The following ADCY2 variants were observed in gnomAD, a reference collection of about 807,000 sequenced individuals.
ADCY2 encodes adenylate cyclase type 2.
Under a neutral mutation model 125.2 loss-of-function variants are expected in ADCY2, and 31 were observed. The observed-to-expected ratio is 0.25, with a 90% CI of 0.19 to 0.33. The LOEUF is 0.33. Among genes scored for constraint, ADCY2 ranks in the 10% least tolerant of loss-of-function variants. The pLI is 1.00. For synonymous variants in ADCY2, 512 were observed against 548.4 expected (o/e 0.93, Z 0.93); for missense variants, 904 against 1,418.2 (o/e 0.64, Z 5.82).
chr5:7,490,193 T>C (rs947430981), intron 2 of ADCY2, among the ~76,000 whole-genome samples: 8 of 152,246 alleles, frequency 5.3e-5, no homozygotes, highest in Non-Finnish European at 1.2e-4. Context: ...TTTTTCTTAT[T>C]ACAACTAGTA....
intron 21 of ADCY2, among the ~76,000 whole-genome samples, chr5:7,803,355 T>C (rs1744658247): frequency 6.6e-6 from 1 of 152,202 alleles, no homozygotes; most frequent in South Asian, 2.1e-4. Context: ...TGGAGGAATC[T>C]CCTCTGAAAT....
chr5:7,399,075 C>T (rs1739166917), intron 1 of ADCY2, among the ~76,000 whole-genome samples: 1 of 152,190 alleles, frequency 6.6e-6, no homozygotes, highest in Non-Finnish European at 1.5e-5. Flanking sequence ...TGGGACCCTG[C>T]CAAGGTTTCC....
At chr5:7,557,182 T>TATATGTGATATATATA (rs56204377) in intron 3 of ADCY2, among the ~76,000 whole-genome samples, 10,899 of 144,886 alleles carry the variant, frequency 0.075, 627 homozygotes, top group Non-Finnish European at 0.12. Flanking sequence ...ATCACACATA[T>TATATGTGATATATATA]TATATATGTG....
intron 2 of ADCY2, among the ~76,000 whole-genome samples, chr5:7,442,832 G>A (rs942770826): frequency 6.6e-5 from 10 of 151,972 alleles, no homozygotes; most frequent in Non-Finnish European, 1.0e-4. Context: ...CCTATTACTC[G>A]GTGATTAATT....
chr5:7,682,029 TG>T (rs1740356200), intron 4 of ADCY2, among the ~76,000 whole-genome samples: 1 of 152,214 alleles, frequency 6.6e-6, no homozygotes, highest in Non-Finnish European at 1.5e-5. Flanking sequence ...TACTTTGGAT[TG>T]TTTAGCAAGC....
intron 4 of ADCY2, among the ~76,000 whole-genome samples, chr5:7,657,304 G>T (rs1051223939): frequency 2.0e-5 from 3 of 152,204 alleles, no homozygotes; most frequent in Non-Finnish European, 4.4e-5. Context: ...TTGAAAATCA[G>T]TGAAGCTCAT....
intron 20 of ADCY2, chr5:7,795,074 CTAT>C (rs1744379235): frequency 1.3e-5 from 2 of 152,150 alleles, no homozygotes; most frequent in African/African-American, 4.8e-5. Flanking sequence ...GCTAAACAAG[CTAT>C]TACTGGTCCC....
chr5:7,700,501 T>C (rs1259221872), intron 7 of ADCY2, among the ~76,000 whole-genome samples: 22 of 270 alleles, frequency 0.081, no homozygotes, highest in African/African-American at 0.096. Flanking sequence ...TATCCTCAAC[T>C]TTTTTTTTTT....
At chr5:7,482,739 T>A (rs547051684) in intron 2 of ADCY2, among the ~76,000 whole-genome samples, 10 of 146,178 alleles carry the variant, frequency 6.8e-5, no homozygotes, top group Non-Finnish European at 7.4e-5. Flanking sequence ...TAAGTGTCTA[T>A]CAGCTGATGA....
intron 3 of ADCY2, among the ~76,000 whole-genome samples, chr5:7,586,798 G>T (rs893648972): frequency 3.9e-5 from 6 of 152,112 alleles, no homozygotes; most frequent in Non-Finnish European, 5.9e-5. Context: ...ACAAAGGCAA[G>T]TGAAGTTCAT....
At chr5:7,513,018 A>G (rs185130794) in intron 2 of ADCY2, among the ~76,000 whole-genome samples, 2 of 151,628 alleles carry the variant, frequency 1.3e-5, no homozygotes, top group African/African-American at 2.4e-5. Context: ...TGATTTCTCA[A>G]CTGAACCAGA....
intron 12 of ADCY2, among the ~76,000 whole-genome samples, chr5:7,718,814 C>A (rs537571793): frequency 6.6e-6 from 1 of 152,186 alleles, no homozygotes; most frequent in African/African-American, 2.4e-5. Flanking sequence ...AAATAAATAA[C>A]TTCCTGCAAT....
intron 3 of ADCY2, among the ~76,000 whole-genome samples, chr5:7,596,053 A>G (rs1736991923): frequency 6.6e-6 from 1 of 152,178 alleles, no homozygotes; most frequent in Non-Finnish European, 1.5e-5. Context: ...TCTTAGGATT[A>G]TATTAAATTA....
chr5:7,619,720 G>A (rs1737888899), intron 3 of ADCY2, among the ~76,000 whole-genome samples: 1 of 152,202 alleles, frequency 6.6e-6, no homozygotes, highest in Non-Finnish European at 1.5e-5. Context: ...AGAGTAAACA[G>A]GGTGACAGTA....
chr5:7,713,806 G>A (rs145681762), intron 11 of ADCY2, among the ~76,000 whole-genome samples: 382 of 152,188 alleles, frequency 2.5e-3, no homozygotes, highest in African/African-American at 9.0e-3. Flanking sequence ...CAAACCCTAA[G>A]CCAGGCTTTC....
chr5:7,695,900 C>G, intron 6 of ADCY2, 37 bp downstream of exon 6: 1 of 1,458,500 alleles, frequency 6.9e-7, no homozygotes, highest in South Asian at 1.2e-5. Flanking sequence ...CTGAAGATTT[C>G]TAAACTCTTG....
At chr5:7,519,983 G>A (rs772521670) in intron 2 of ADCY2, among the ~76,000 whole-genome samples, 2 of 152,104 alleles carry the variant, frequency 1.3e-5, no homozygotes, top group Admixed American at 6.6e-5. Flanking sequence ...GCATGCATTC[G>A]CATCTTACTC....
chr5:7,727,492 G>A (rs1052091508), intron 14 of ADCY2, among the ~76,000 whole-genome samples: 2 of 152,034 alleles, frequency 1.3e-5, no homozygotes, highest in African/African-American at 4.8e-5. Flanking sequence ...TCTAGGGATT[G>A]AAAAAAACAA....
rs777320923 is a variant in ADCY2 at position 7,396,503 on chromosome 5, G to C, written c.207G>C (p.Gly69=). The C allele has an allele frequency of 3.2e-6, 5 of 1,561,092 alleles. No homozygotes were observed. Among genetic ancestry groups the C allele is most frequent in the Non-Finnish European group, 4.3e-6 (5 of 1,154,574 alleles). ...TGCTCGCCGTCTTCTTCGCGCTCGG[G>C]CTGGTGAGTGGCCTCCCCGCGGGTC... is the stretch of plus-strand genomic sequence containing the variant. ...LALLAVFFAL[G]LEVEDHVAFL... is the part of the protein sequence containing the mutation. Residue 69 remains glycine (G), a synonymous_variant, in exon 1 of 25, where the codon GGG becomes GGC. Transcript: ENST00000338316. The surrounding 1 kb of genome is among the most constrained non-coding windows in gnomAD (Gnocchi z 5.7).
Sources: gnomAD v4.1 joint callset for allele counts (sites outside exome capture counted in the v4.1 genomes callset) on GRCh38, gnomAD v4.1.1 for gene constraint, Gnocchi (gnomAD v3.1) non-coding constraint, MANE v1.5 for transcripts, NCBI Gene and HGNC (gene_info 2026-07-23, HGNC 2026-07-21) for gene names.